RNF115: variants seen among roughly 807,000 people sequenced by gnomAD.
RNF115 encodes the protein E3 ubiquitin-protein ligase RNF115.
Under a neutral mutation model 39.2 loss-of-function variants are expected in RNF115, and 31 were observed. That is an observed-to-expected ratio of 0.79 (90% CI 0.59 to 1.07). RNF115 has a LOEUF of 1.07. Among genes scored for constraint, RNF115 ranks in the 50% least tolerant of loss-of-function variants. The pLI, the probability that RNF115 is intolerant of heterozygous loss-of-function variation, is 0.00. For missense variants in RNF115, 384 were observed against 381.7 expected, an observed-to-expected ratio of 1.01 and a Z score of -0.05; for synonymous variants, 124 against 131.0, an observed-to-expected ratio of 0.95 and a Z score of 0.37.
intron 2 of RNF115, among the ~76,000 whole-genome samples, chr1:145,786,295 T>A (rs1553718089): frequency 6.6e-6 from 1 of 152,198 alleles, no homozygotes; most frequent in Non-Finnish European, 1.5e-5. Context: ...TGCAAGGCCC[T>A]CCTCTTACTG....
intron 3 of RNF115, chr1:145,772,590 G>T (rs1647694190): frequency 6.6e-6 from 1 of 152,164 alleles, no homozygotes; most frequent in Non-Finnish European, 1.5e-5. Context: ...GAAATCAACA[G>T]AAATTCATCT....
At chr1:145,783,295 G>A (rs1648229684) in intron 3 of RNF115, among the ~76,000 whole-genome samples, 1 of 152,154 alleles carries the variant, frequency 6.6e-6, no homozygotes. Flanking sequence ...TCTTAATACT[G>A]TATATTAAGA....
chr1:145,819,619 G>A (rs1650146880), intron 1 of RNF115, among the ~76,000 whole-genome samples: 2 of 152,190 alleles, frequency 1.3e-5, no homozygotes, highest in African/African-American at 4.8e-5. Context: ...GAGGCCAGCA[G>A]CATTCTGATA....
intron 1 of RNF115, among the ~76,000 whole-genome samples, chr1:145,791,262 C>T (rs587702296): frequency 1.3e-5 from 2 of 151,848 alleles, no homozygotes; most frequent in Admixed American, 1.3e-4. Flanking sequence ...CCTGTAATCC[C>T]AGCACTTTCG....
At chr1:145,789,402 A>C (rs782709758) in intron 1 of RNF115, among the ~76,000 whole-genome samples, 1 of 147,616 alleles carries the variant, frequency 6.8e-6, no homozygotes, top group Non-Finnish European at 1.5e-5. Context: ...AGCCCAGCCT[A>C]GTTTTTTTTC....
chr1:145,807,840 C>G (rs1386406147), intron 1 of RNF115, among the ~76,000 whole-genome samples: 1 of 152,234 alleles, frequency 6.6e-6, no homozygotes, highest in Admixed American at 6.5e-5. Flanking sequence ...TACCTCACCC[C>G]CTCTGCCTTC....
At chr1:145,766,973 T>C (rs1252560629) in intron 4 of RNF115, among the ~76,000 whole-genome samples, 117 of 105,114 alleles carry the variant, frequency 1.1e-3, no homozygotes, top group African/African-American at 4.5e-3. Context: ...CCGGTCGGGG[T>C]GGCTGGCCGG....
chr1:145,767,373 C>G (rs1220540424), intron 4 of RNF115, among the ~76,000 whole-genome samples: 3 of 145,358 alleles, frequency 2.1e-5, no homozygotes, highest in Non-Finnish European at 4.6e-5. Flanking sequence ...ACATCCCAGA[C>G]GGGGTGGCAG....
At chr1:145,763,641 G>C (rs1352006479) in intron 4 of RNF115, among the ~76,000 whole-genome samples, 1 of 151,962 alleles carries the variant, frequency 6.6e-6, no homozygotes, top group Non-Finnish European at 1.5e-5. Flanking sequence ...AGAGGTTGCA[G>C]TGAGCCGAGA....
At chr1:145,768,496 A>G (rs1647485385) in intron 4 of RNF115, among the ~76,000 whole-genome samples, 1 of 152,198 alleles carries the variant, frequency 6.6e-6, no homozygotes, top group Non-Finnish European at 1.5e-5. Context: ...TTGGATTTTT[A>G]GTAGAGATGG....
At chr1:145,795,426 C>A (rs910519955) in intron 1 of RNF115, among the ~76,000 whole-genome samples, 5 of 152,110 alleles carry the variant, frequency 3.3e-5, no homozygotes, top group African/African-American at 9.7e-5. Flanking sequence ...CCACGTCCTG[C>A]TTGATTGGTC....
At chr1:145,770,030 G>C (rs587639723) in intron 4 of RNF115, among the ~76,000 whole-genome samples, 62 of 152,184 alleles carry the variant, frequency 4.1e-4, no homozygotes, top group African/African-American at 1.5e-3. Flanking sequence ...CCCTAAAAAA[G>C]AGGTTTTAGT....
chr1:145,764,706 G>A (rs1658686707), intron 4 of RNF115, among the ~76,000 whole-genome samples: 1 of 151,884 alleles, frequency 6.6e-6, no homozygotes, highest in Admixed American at 6.6e-5. Flanking sequence ...CCGGGAGGGA[G>A]GTGGGGGGTC....
At chr1:145,813,175 T>G (rs1649813303) in intron 1 of RNF115, among the ~76,000 whole-genome samples, 1 of 151,814 alleles carries the variant, frequency 6.6e-6, no homozygotes, top group Non-Finnish European at 1.5e-5. Context: ...TTCCCATACG[T>G]GCACCTAAGT....
intron 7 of RNF115, among the ~76,000 whole-genome samples, chr1:145,748,751 G>A (rs1267779145): frequency 1.3e-5 from 2 of 152,108 alleles, no homozygotes; most frequent in Non-Finnish European, 2.9e-5. Flanking sequence ...TGGGTGTGAT[G>A]GTGAGCGCCT....
chr1:145,766,715 CA>C (rs1647302459), intron 4 of RNF115, among the ~76,000 whole-genome samples: 2 of 125,866 alleles, frequency 1.6e-5, no homozygotes, highest in African/African-American at 5.9e-5. Flanking sequence ...GCTGTCCGGG[CA>C]GAGGGGCTCC....
At chr1:145,771,594 C>T in intron 4 of RNF115, 117 bp downstream of exon 4, 2 of 766,892 alleles carry the variant, frequency 2.6e-6, no homozygotes, top group East Asian at 2.6e-5. Flanking sequence ...ATCCTTTCTA[C>T]ATATGTCCAT....
chr1:145,808,117 C>T (rs1440382629), intron 1 of RNF115, among the ~76,000 whole-genome samples: 5 of 152,012 alleles, frequency 3.3e-5, no homozygotes, highest in Admixed American at 2.0e-4. Flanking sequence ...ACTCTGATTC[C>T]GTCTTTGCTG....
intron 1 of RNF115, among the ~76,000 whole-genome samples, chr1:145,794,492 TA>T (rs1648842466): frequency 6.9e-6 from 1 of 145,896 alleles, no homozygotes; most frequent in South Asian, 2.2e-4. Context: ...AAGGGGCATC[TA>T]ATCTCTTTCT....
Sources: allele counts gnomAD v4.1 joint callset (sites outside exome capture counted in the v4.1 genomes callset), GRCh38; gene constraint gnomAD v4.1.1; transcripts MANE v1.5; gene names NCBI Gene and HGNC (gene_info 2026-07-23, HGNC 2026-07-21).